PTPRG: variants seen among roughly 807,000 people sequenced by gnomAD.
PTPRG encodes receptor-type tyrosine-protein phosphatase gamma.
Under a neutral mutation model 165.3 loss-of-function variants are expected in PTPRG, and 102 were observed. The ratio of observed to expected loss-of-function variants is 0.62; its 90% CI spans 0.53 to 0.73. PTPRG has a LOEUF of 0.73. PTPRG is among the 30% of genes least tolerant of loss of function. The probability of loss-of-function intolerance (pLI) is 0.00; values close to 1 mark genes in which losing one functional copy is unlikely to be tolerated. For synonymous variants in PTPRG, 675 were observed against 669.5 expected, an observed-to-expected ratio of 1.01 and a Z score of -0.13; for missense variants, 1,866 against 1,861.4, an observed-to-expected ratio of 1.00 and a Z score of -0.05.
At chr3:61,824,141 A>G (rs6795554) in intron 2 of PTPRG, among the ~76,000 whole-genome samples, 38,287 of 151,892 alleles carry the variant, frequency 0.25, 4,955 homozygotes, top group East Asian at 0.3. Context: ...AAAAAAAAAG[A>G]TGATGAAAAA....
At chr3:62,280,061 A>G (rs899002158) in intron 26 of PTPRG, among the ~76,000 whole-genome samples, 2 of 152,074 alleles carry the variant, frequency 1.3e-5, no homozygotes, top group Non-Finnish European at 2.9e-5. Flanking sequence ...CCAAGCCTGC[A>G]TATCTATTTT....
rs890502609 is a variant in PTPRG at position 61,732,269 on chromosome 3, C to T, written c.86-16609C>T. Among the ~76,000 whole-genome samples the T allele has an allele frequency of 1.4e-4, 21 of 152,226 alleles. 1 individual carries two copies. In the South Asian group the frequency reaches 1.5e-3, roughly 11 times the overall value. ...AGATATTTTGCCTTTTTGTTTCTTA[C>T]TAAGCATTTGAAATCCTGTATTAGC... is the stretch of plus-strand genomic sequence containing the variant. On this transcript the variant is annotated intron_variant, in intron 1 of 29. Transcript: ENST00000474889.
chr3:61,585,769 A>G (rs796716612), intron 1 of PTPRG, among the ~76,000 whole-genome samples: 7 of 152,356 alleles, frequency 4.6e-5, no homozygotes, highest in African/African-American at 1.7e-4. Context: ...TATTAGGACA[A>G]TATTGCAAAT....
intron 1 of PTPRG, among the ~76,000 whole-genome samples, chr3:61,747,850 A>G (rs1459943130): frequency 6.6e-6 from 1 of 151,882 alleles, no homozygotes; most frequent in African/African-American, 2.4e-5. Flanking sequence ...AAATGTTATC[A>G]TAGTCAGCTG....
In PTPRG at chr3:62,222,079, C is replaced by T. The variant is rs868265327; in HGVS notation, c.2288+3096C>T. On this transcript the variant is annotated intron_variant, in intron 13 of 29. Coordinates refer to ENST00000474889, the MANE Select transcript of PTPRG (RefSeq NM_002841.4). This position sits in a 1 kb window ranked among gnomAD's most constrained non-coding sequence, Gnocchi z 4.5. Reference sequence around the variant, plus strand: ...GACCAAGGAAGAGAACGAGAACTCACATTTGTTGAAAGCCTGCTATGGGCC... The same window carrying T: ...GACCAAGGAAGAGAACGAGAACTCATATTTGTTGAAAGCCTGCTATGGGCC... 6.6e-6 allele frequency among the ~76,000 whole-genome samples: 1 copy of T among 152,234 alleles called. No homozygotes were observed. Among genetic ancestry groups the T allele is most frequent in the African/African-American group, 2.4e-5 (1 of 41,470 alleles).
rs199555260 is a variant in PTPRG at position 62,201,903 on chromosome 3, TTA to T, written c.1377+353_1377+354del. Among the ~76,000 whole-genome samples the T allele has an allele frequency of 4.1e-3, 621 of 152,294 alleles. 2 individuals are homozygous for T. Among genetic ancestry groups the T allele is most frequent in the African/African-American group, 0.013 (533 of 41,550 alleles). On this transcript the variant is annotated intron_variant, in intron 11 of 29. Transcript: ENST00000474889. ...TTCAGAGGTTGTCATTTGCGTAAAG[TTA>T]TATGGATCTGAAAATTTCTGGAACC...
chr3:62,032,563 G>T (rs951138735), intron 4 of PTPRG, among the ~76,000 whole-genome samples: 1 of 152,038 alleles, frequency 6.6e-6, no homozygotes, highest in African/African-American at 2.4e-5. Context: ...AAGTATTGAA[G>T]GAGAGAGGGA....
chr3:62,268,004 T>G (rs779535431), intron 19 of PTPRG, among the ~76,000 whole-genome samples, 185 bp downstream of exon 19: 1 of 152,088 alleles, frequency 6.6e-6, no homozygotes, highest in Non-Finnish European at 1.5e-5. Context: ...AGAGTAAATG[T>G]GATGACAGAG....
intron 1 of PTPRG, among the ~76,000 whole-genome samples, chr3:61,596,672 C>T (rs1286847275): frequency 6.6e-6 from 1 of 152,060 alleles, no homozygotes; most frequent in Non-Finnish European, 1.5e-5. Flanking sequence ...TGAGTTTGAA[C>T]CCAGGTCTCC....
chr3:62,013,299 A>G (rs1559746136), intron 4 of PTPRG, among the ~76,000 whole-genome samples: 1 of 152,170 alleles, frequency 6.6e-6, no homozygotes, highest in African/African-American at 2.4e-5. Context: ...AACTTGCAAA[A>G]CTTTTTGATT....
At chr3:62,085,134 G>T (rs1279412115) in intron 5 of PTPRG, among the ~76,000 whole-genome samples, 6 of 152,114 alleles carry the variant, frequency 3.9e-5, no homozygotes, top group Non-Finnish European at 8.8e-5. Flanking sequence ...GTAGTGCATT[G>T]ACCTCAATTA....
intron 2 of PTPRG, among the ~76,000 whole-genome samples, chr3:61,804,997 C>T (rs1226095266): frequency 1.3e-5 from 2 of 152,192 alleles, no homozygotes; most frequent in African/African-American, 2.4e-5. Flanking sequence ...GATGTACTTC[C>T]TGTTTATGGT....
intron 5 of PTPRG, among the ~76,000 whole-genome samples, chr3:62,127,811 G>C (rs979018418): frequency 6.6e-6 from 1 of 152,110 alleles, no homozygotes; most frequent in African/African-American, 2.4e-5. Context: ...TCGTCTGATG[G>C]GGTCTCTGTG....
intron 4 of PTPRG, among the ~76,000 whole-genome samples, chr3:62,076,466 G>A (rs148433561): frequency 2.5e-3 from 385 of 152,198 alleles, no homozygotes; most frequent in Non-Finnish European, 4.2e-3. Flanking sequence ...AAGTAAGGAA[G>A]CTGGAATAGG....
At chr3:61,852,738 A>G (rs2036999127) in intron 2 of PTPRG, among the ~76,000 whole-genome samples, 1 of 152,174 alleles carries the variant, frequency 6.6e-6, no homozygotes, top group African/African-American at 2.4e-5. Context: ...CACGGTGGCT[A>G]TGGAGATCCT....
At chr3:61,616,259 G>A (rs1239105855) in intron 1 of PTPRG, among the ~76,000 whole-genome samples, 2 of 152,140 alleles carry the variant, frequency 1.3e-5, no homozygotes, top group African/African-American at 4.8e-5. Context: ...GCTGAGAATG[G>A]TATTTAGAAA....
At chr3:62,230,851 A>T (rs753054755) in intron 13 of PTPRG, among the ~76,000 whole-genome samples, 1 of 152,208 alleles carries the variant, frequency 6.6e-6, no homozygotes, top group Non-Finnish European at 1.5e-5. Context: ...ACTTTACTCC[A>T]ATGATATTTT....
At chr3:61,857,532 C>A (rs984049782) in intron 2 of PTPRG, among the ~76,000 whole-genome samples, 2 of 152,168 alleles carry the variant, frequency 1.3e-5, no homozygotes, top group Admixed American at 6.6e-5. Context: ...AGCGTATTGA[C>A]AGTGATGATT....
At position 62,124,663 on chromosome 3, in the gene PTPRG, G is replaced by A. The variant is rs568453133; in HGVS notation, c.616-7939G>A. 1.3e-5 allele frequency: 9 copies of A among 718,152 alleles called. No individual in the cohort carries two copies. In the South Asian group the frequency reaches 1.4e-4, roughly 11 times the overall value. The allele number at this position is 718,152 out of a possible 1,614,324, so 44.5% of individuals were successfully genotyped here. The stretch of plus-strand genomic sequence containing the variant: ...GGGAGCTGGCTGTCCTGAAGCTCAG[G>A]CCACCGCTGCCGCCTGCTGAGCTAG... On this transcript the variant is annotated intron_variant, in intron 5 of 29. Coordinates refer to ENST00000474889, the MANE Select transcript of PTPRG (RefSeq NM_002841.4).
Sources: allele counts gnomAD v4.1 joint callset (sites outside exome capture counted in the v4.1 genomes callset), GRCh38; gene constraint gnomAD v4.1.1; non-coding constraint Gnocchi (gnomAD v3.1); transcripts MANE v1.5; gene names NCBI Gene and HGNC (gene_info 2026-07-23, HGNC 2026-07-21).